Variants in GRIK2 observed in about 807,000 individuals in gnomAD.
GRIK2 encodes the protein glutamate receptor ionotropic, kainate 2.
Under a neutral mutation model 100.3 loss-of-function variants are expected in GRIK2, and 32 were observed. That is an observed-to-expected ratio of 0.32 (90% CI 0.24 to 0.43). The LOEUF is 0.43. GRIK2 is among the 20% of genes least tolerant of loss of function. The probability of loss-of-function intolerance (pLI) is 1.00; values close to 1 mark genes in which losing one functional copy is unlikely to be tolerated. For missense variants in GRIK2, 843 were observed against 1,114.9 expected (o/e 0.76, Z 3.47); for synonymous variants, 417 against 389.4 (o/e 1.07, Z -0.83).
Position 102,041,806 on chromosome 6 carries a change from A to T in GRIK2, c.2311+6240A>T, listed in dbSNP as rs1462547194. Among the ~76,000 whole-genome samples, 3 of 151,780 alleles carry T rather than the reference A, an allele frequency of 2.0e-5. No homozygotes were observed. The East Asian group carries it at 5.8e-4, about 30-fold the overall frequency. On this transcript the variant is annotated intron_variant, in intron 15 of 16. Transcript: ENST00000369134. Reference sequence around the variant, plus strand: ...TACGAGGTTTTAGAAAATTAAAAAAAAAAAGTGTTTTGAAGAAATGTTCTC... The same window carrying T: ...TACGAGGTTTTAGAAAATTAAAAAATAAAAGTGTTTTGAAGAAATGTTCTC...
intron 4 of GRIK2, among the ~76,000 whole-genome samples, chr6:101,656,932 C>T (rs750363437): frequency 8.5e-5 from 13 of 152,174 alleles, no homozygotes; most frequent in Non-Finnish European, 1.3e-4. Flanking sequence ...AGACTAAGTA[C>T]TATATTTGGA....
At chr6:101,827,527 G>C (rs965749527) in intron 10 of GRIK2, among the ~76,000 whole-genome samples, 10 of 151,356 alleles carry the variant, frequency 6.6e-5, no homozygotes, top group African/African-American at 2.2e-4. Flanking sequence ...ATCTTCAGAA[G>C]AACCATTTCA....
intron 2 of GRIK2, among the ~76,000 whole-genome samples, chr6:101,485,338 A>G (rs1311118758): frequency 6.6e-6 from 1 of 152,186 alleles, no homozygotes; most frequent in Non-Finnish European, 1.5e-5. Context: ...ATTCCAGTCC[A>G]GTCCAGCATT....
chr6:101,652,263 G>A (rs918535421), intron 4 of GRIK2, among the ~76,000 whole-genome samples: 1 of 152,112 alleles, frequency 6.6e-6, no homozygotes, highest in South Asian at 2.1e-4. Flanking sequence ...GGTCATGAAG[G>A]TGGAGCCCTC....
intron 2 of GRIK2, among the ~76,000 whole-genome samples, chr6:101,577,871 T>C (rs1326134480): frequency 6.6e-6 from 1 of 152,128 alleles, no homozygotes; most frequent in African/African-American, 2.4e-5. Context: ...ATCTAATGAA[T>C]GAAGAGCTCC....
intron 2 of GRIK2, among the ~76,000 whole-genome samples, chr6:101,563,781 C>G (rs1378440324): frequency 6.6e-6 from 1 of 151,344 alleles, no homozygotes; most frequent in Admixed American, 6.6e-5. Flanking sequence ...ATTATCTAAA[C>G]ACTCTTCCTG....
chr6:101,953,039 A>T (rs1791701120), intron 14 of GRIK2, among the ~76,000 whole-genome samples: 1 of 152,220 alleles, frequency 6.6e-6, no homozygotes, highest in Admixed American at 6.5e-5. Context: ...AAACAGTGAT[A>T]TAGAATAAAT....
intron 2 of GRIK2, among the ~76,000 whole-genome samples, chr6:101,515,282 TAC>T (rs1439618601): frequency 5.9e-5 from 9 of 152,016 alleles, no homozygotes; most frequent in African/African-American, 2.2e-4. Context: ...CACACACACA[TAC>T]ACACACCACA....
At chr6:102,005,508 C>A (rs914690290) in intron 14 of GRIK2, among the ~76,000 whole-genome samples, 26 of 152,024 alleles carry the variant, frequency 1.7e-4, no homozygotes, top group African/African-American at 6.0e-4. Flanking sequence ...CAGTCTTATG[C>A]ATAACCCTGA....
At chr6:101,757,894 G>C (rs1403100063) in intron 7 of GRIK2, among the ~76,000 whole-genome samples, 1 of 152,150 alleles carries the variant, frequency 6.6e-6, no homozygotes, top group Non-Finnish European at 1.5e-5. Context: ...GCTTAGAATT[G>C]ATATCTGAAT....
At chr6:101,816,348 T>G (rs752934453) in intron 9 of GRIK2, among the ~76,000 whole-genome samples, 70 of 152,154 alleles carry the variant, frequency 4.6e-4, no homozygotes, top group Non-Finnish European at 7.9e-4. Flanking sequence ...TCTGCAGATG[T>G]GTCTTGTTTA....
chr6:101,974,040 T>C (rs1016386931), intron 14 of GRIK2, among the ~76,000 whole-genome samples: 3 of 152,008 alleles, frequency 2.0e-5, no homozygotes, highest in Non-Finnish European at 2.9e-5. Flanking sequence ...ACATATACTT[T>C]ATTAAATTAT....
chr6:101,865,985 A>G (rs1358159354), intron 11 of GRIK2, among the ~76,000 whole-genome samples: 2 of 152,090 alleles, frequency 1.3e-5, no homozygotes, highest in Non-Finnish European at 2.9e-5. Flanking sequence ...TAGAAACACT[A>G]TTATTATTGT....
intron 2 of GRIK2, among the ~76,000 whole-genome samples, chr6:101,399,860 C>T (rs1468922271): frequency 6.6e-6 from 1 of 152,228 alleles, no homozygotes; most frequent in South Asian, 2.1e-4. Flanking sequence ...GCAGTTCTCA[C>T]GTGCAAATGA....
chr6:102,013,738 AT>A (rs1795672479), intron 14 of GRIK2, among the ~76,000 whole-genome samples: 1 of 152,040 alleles, frequency 6.6e-6, no homozygotes, highest in Non-Finnish European at 1.5e-5. Flanking sequence ...ACATTAGTTG[AT>A]TTGTGTATGC....
intron 7 of GRIK2, among the ~76,000 whole-genome samples, chr6:101,783,382 T>G (rs1210563310): frequency 1.3e-5 from 2 of 152,092 alleles, no homozygotes; most frequent in African/African-American, 4.8e-5. Context: ...TCTGCCATGA[T>G]TGTAAGTTTC....
Position 101,547,548 on chromosome 6 carries a change from C to G in GRIK2, c.116-74401C>G, listed in dbSNP as rs1057471458. Among the ~76,000 whole-genome samples the G allele has an allele frequency of 5.3e-5, 8 of 152,214 alleles. No homozygotes were observed. In the South Asian group the frequency reaches 1.7e-3, roughly 32 times the overall value. On this transcript the variant is annotated intron_variant, in intron 2 of 16. Coordinates refer to ENST00000369134, the MANE Select transcript of GRIK2 (RefSeq NM_021956.5). ...TGTGTTCTCATTGTTCAATTTCCACCTATGAGTGAGAACATGCGGTGTTTG... is the reference window on the plus strand; with the variant it reads ...TGTGTTCTCATTGTTCAATTTCCACGTATGAGTGAGAACATGCGGTGTTTG...
chr6:101,442,619 A>G (rs1234422242), intron 2 of GRIK2, among the ~76,000 whole-genome samples: 2 of 152,208 alleles, frequency 1.3e-5, no homozygotes, highest in African/African-American at 4.8e-5. Flanking sequence ...GGGACAGAAC[A>G]ATGGAGAACC....
At chr6:101,690,950 A>G (rs1438622973) in intron 7 of GRIK2, among the ~76,000 whole-genome samples, 2 of 152,094 alleles carry the variant, frequency 1.3e-5, no homozygotes, top group Non-Finnish European at 2.9e-5. Context: ...CCATGTTGAA[A>G]GTTAACTCTA....
Sources: allele counts gnomAD v4.1 joint callset (sites outside exome capture counted in the v4.1 genomes callset), GRCh38; gene constraint gnomAD v4.1.1; transcripts MANE v1.5; gene names NCBI Gene and HGNC (gene_info 2026-07-23, HGNC 2026-07-21).